SETBP1: variants seen among roughly 807,000 people sequenced by gnomAD.
SETBP1 encodes SET-binding protein.
Under a neutral mutation model 101.0 loss-of-function variants are expected in SETBP1, and 9 were observed. That is an observed-to-expected ratio of 0.09 (90% CI 0.05 to 0.16). SETBP1 has a LOEUF of 0.16. Ranked by LOEUF, SETBP1 falls within the 10% of genes least tolerant of loss-of-function variation. The probability of loss-of-function intolerance (pLI) is 1.00; values close to 1 mark genes in which losing one functional copy is unlikely to be tolerated. For synonymous variants in SETBP1, 818 were observed against 788.5 expected (o/e 1.04, Z -0.63); for missense variants, 1,858 against 2,033.8 (o/e 0.91, Z 1.66).
At chr18:45,004,242 C>T (rs2072678742) in intron 4 of SETBP1, among the ~76,000 whole-genome samples, 1 of 152,150 alleles carries the variant, frequency 6.6e-6, no homozygotes, top group South Asian at 2.1e-4. Context: ...GTATGGGGAC[C>T]AATTATTGTG....
rs2069110537 is a variant in SETBP1, at chr18:44,701,279, T to C, written c.-68T>C. Reference sequence around the variant, plus strand: ...TCTTGGAATTTTGGGTGTCCTCTTTTCTCACCTTTCCCTTTTCCCTTTTCC... The same window carrying C: ...TCTTGGAATTTTGGGTGTCCTCTTTCCTCACCTTTCCCTTTTCCCTTTTCC... On this transcript the variant is annotated 5_prime_UTR_variant, in exon 2 of 6. Coordinates refer to ENST00000649279, the MANE Select transcript of SETBP1 (RefSeq NM_015559.3). The C allele has an allele frequency of 6.9e-7, 1 of 1,449,768 alleles. No individual in the cohort carries two copies. Among genetic ancestry groups the C allele is most frequent in the Admixed American group, 2.9e-5 (1 of 34,976 alleles). 89.8% of individuals were successfully genotyped at this position (1,449,768 alleles called of 1,614,324 possible). A position where few individuals can be genotyped will look rare whatever the true frequency, so the allele number is the denominator to read the frequency against.
intron 4 of SETBP1, among the ~76,000 whole-genome samples, chr18:45,024,469 C>T (rs558659518): frequency 1.3e-5 from 2 of 152,240 alleles, no homozygotes; most frequent in African/African-American, 4.8e-5. Flanking sequence ...AGTTCCAAAC[C>T]TCCCCAATGA....
intron 2 of SETBP1, among the ~76,000 whole-genome samples, chr18:44,788,790 A>ATTTTTTTTTTTTTTTTTTTT (rs34929410): frequency 1.2e-5 from 1 of 80,434 alleles, no homozygotes; most frequent in African/African-American, 5.3e-5. Context: ...TTCCTTTTTA[A>ATTTTTTTTTTTTTTTTTTTT]TTTTTTTTTT....
At chr18:45,018,514 C>T (rs929525741) in intron 4 of SETBP1, among the ~76,000 whole-genome samples, 2 of 152,306 alleles carry the variant, frequency 1.3e-5, no homozygotes, top group East Asian at 3.9e-4. Context: ...GACATTGTCT[C>T]TTTCCTCAAC....
intron 5 of SETBP1, among the ~76,000 whole-genome samples, chr18:45,061,133 T>A (rs1217905187): frequency 6.6e-6 from 1 of 152,240 alleles, no homozygotes; most frequent in African/African-American, 2.4e-5. Flanking sequence ...CATTGATTCC[T>A]GAACTATGTG....
intron 5 of SETBP1, among the ~76,000 whole-genome samples, chr18:45,054,510 T>C (rs1039974212): frequency 5.3e-5 from 8 of 152,110 alleles, no homozygotes; most frequent in African/African-American, 1.7e-4. Flanking sequence ...GGCTGACAAA[T>C]AGCATCTCCA....
chr18:44,868,155 G>A (rs1269807424), intron 2 of SETBP1, among the ~76,000 whole-genome samples: 5 of 152,168 alleles, frequency 3.3e-5, no homozygotes, highest in East Asian at 3.9e-4. Context: ...ATTTAAAACC[G>A]TAACTTTAGT....
intron 3 of SETBP1, among the ~76,000 whole-genome samples, chr18:44,892,654 A>C (rs991251175): frequency 6.6e-6 from 1 of 152,032 alleles, no homozygotes; most frequent in African/African-American, 2.4e-5. Flanking sequence ...TATTGTTTGG[A>C]AATTATTCTG....
intron 5 of SETBP1, among the ~76,000 whole-genome samples, chr18:45,049,337 G>A (rs578061189): frequency 9.6e-4 from 146 of 152,240 alleles, no homozygotes; most frequent in Non-Finnish European, 1.6e-3. Flanking sequence ...AGAAGATGGA[G>A]TACCCAAAAG....
chr18:44,808,060 A>G (rs1352884631), intron 2 of SETBP1, among the ~76,000 whole-genome samples: 2 of 152,200 alleles, frequency 1.3e-5, no homozygotes, highest in African/African-American at 4.8e-5. Context: ...GAGGTGAAAG[A>G]TATCAAAACC....
At position 45,046,577 on chromosome 18, in the gene SETBP1, T is replaced by C. The variant is rs545792936; in HGVS notation, c.4171+7922T>C. On this transcript the variant is annotated intron_variant, in intron 5 of 5. Coordinates refer to ENST00000649279, the MANE Select transcript of SETBP1 (RefSeq NM_015559.3). ...TCAGAGAAGAAGGAATATGCACGCA[T>C]ATGTGTCTTCCTTCACTCAGAAGTT... is the stretch of plus-strand genomic sequence containing the variant. Among the ~76,000 whole-genome samples the C allele has an allele frequency of 1.1e-4, 16 of 152,376 alleles. No homozygotes were observed. The South Asian group carries it at 3.3e-3, about 32-fold the overall frequency.
At chr18:44,970,920 G>T (rs1019056090) in intron 4 of SETBP1, among the ~76,000 whole-genome samples, 24 of 151,902 alleles carry the variant, frequency 1.6e-4, no homozygotes, top group African/African-American at 5.6e-4. Flanking sequence ...ACAACGTGCA[G>T]GTTTGTTACA....
intron 2 of SETBP1, among the ~76,000 whole-genome samples, chr18:44,746,818 G>A (rs1482208032): frequency 2.0e-5 from 3 of 152,204 alleles, no homozygotes; most frequent in African/African-American, 4.8e-5. Context: ...CTGTGGTCTG[G>A]TATGGCCGTG....
chr18:44,811,435 A>G (rs1006115621), intron 2 of SETBP1, among the ~76,000 whole-genome samples: 1 of 152,342 alleles, frequency 6.6e-6, no homozygotes, highest in South Asian at 2.1e-4. Flanking sequence ...GGAGATATCA[A>G]TGAAAGTAAT....
chr18:45,053,760 C>A (rs1200163030), intron 5 of SETBP1, among the ~76,000 whole-genome samples: 1 of 139,660 alleles, frequency 7.2e-6, no homozygotes, highest in African/African-American at 2.5e-5. Context: ...TTTGTTCTTC[C>A]CTCTATTTTT....
intron 4 of SETBP1, among the ~76,000 whole-genome samples, chr18:45,004,764 C>A (rs2072689696): frequency 6.6e-6 from 1 of 152,218 alleles, no homozygotes; most frequent in Admixed American, 6.5e-5. Flanking sequence ...GAGCTTATTT[C>A]CCTCGGCTGC....
chr18:44,883,042 C>T (rs2144745750), intron 3 of SETBP1, among the ~76,000 whole-genome samples: 1 of 152,318 alleles, frequency 6.6e-6, no homozygotes, highest in Admixed American at 6.5e-5. Context: ...GGCACCAAAT[C>T]TTGCCACATG....
intron 4 of SETBP1, among the ~76,000 whole-genome samples, chr18:45,000,160 T>C (rs1396215618): frequency 6.6e-6 from 1 of 152,236 alleles, no homozygotes; most frequent in Non-Finnish European, 1.5e-5. Flanking sequence ...TGATTTGGCA[T>C]AAAGTTGTCT....
intron 2 of SETBP1, among the ~76,000 whole-genome samples, chr18:44,841,741 G>T (rs754341160): frequency 6.6e-6 from 1 of 152,076 alleles, no homozygotes; most frequent in East Asian, 1.9e-4. Flanking sequence ...AGGGCCCCTC[G>T]TTCCTTAGGC....
Sources: gnomAD v4.1 joint callset for allele counts (sites outside exome capture counted in the v4.1 genomes callset) on GRCh38, gnomAD v4.1.1 for gene constraint, MANE v1.5 for transcripts, NCBI Gene and HGNC (gene_info 2026-07-23, HGNC 2026-07-21) for gene names.